LRRTM4: variants seen among roughly 807,000 people sequenced by gnomAD.
LRRTM4 encodes the protein leucine rich repeat transmembrane neuronal 4.
Under a neutral mutation model 47.6 loss-of-function variants are expected in LRRTM4, and 25 were observed. The ratio of observed to expected loss-of-function variants is 0.53; its 90% CI spans 0.38 to 0.73. LRRTM4 has a LOEUF of 0.73. Among genes scored for constraint, LRRTM4 ranks in the 30% least tolerant of loss-of-function variants. The pLI is 0.00. For synonymous variants in LRRTM4, 311 were observed against 269.5 expected, an observed-to-expected ratio of 1.15 and a Z score of -1.51; for missense variants, 638 against 713.4, an observed-to-expected ratio of 0.89 and a Z score of 1.20.
chr2:77,218,395 G>A (rs1233577083), intron 3 of LRRTM4, among the ~76,000 whole-genome samples: 1 of 151,970 alleles, frequency 6.6e-6, no homozygotes, highest in Non-Finnish European at 1.5e-5. Context: ...TTTGATGCAA[G>A]TTTTCTGCAA....
intron 3 of LRRTM4, among the ~76,000 whole-genome samples, chr2:77,069,608 A>C (rs1245897367): frequency 6.6e-6 from 1 of 152,036 alleles, no homozygotes; most frequent in African/African-American, 2.4e-5. Context: ...TCGTGGGGGT[A>C]ATGTTGGTAG....
chr2:77,493,985 C>A (rs1269603663), intron 3 of LRRTM4, among the ~76,000 whole-genome samples: 1 of 152,022 alleles, frequency 6.6e-6, no homozygotes, highest in Non-Finnish European at 1.5e-5. Context: ...AATAGAATTT[C>A]TAGTAGCAAA....
intron 3 of LRRTM4, among the ~76,000 whole-genome samples, chr2:77,421,843 A>G (rs1674909351): frequency 1.3e-5 from 2 of 152,198 alleles, no homozygotes; most frequent in African/African-American, 2.4e-5. Context: ...ACGATATACA[A>G]TCATGCAATG....
chr2:77,176,634 T>C (rs146831753), intron 3 of LRRTM4, among the ~76,000 whole-genome samples: 122 of 152,322 alleles, frequency 8.0e-4, no homozygotes, highest in African/African-American at 2.5e-3. Context: ...ATTTAGATCA[T>C]TTTGCAGTTG....
chr2:77,002,055 T>C (rs1677450295), intron 3 of LRRTM4, among the ~76,000 whole-genome samples: 1 of 152,194 alleles, frequency 6.6e-6, no homozygotes, highest in African/African-American at 2.4e-5. Flanking sequence ...AATACACGCT[T>C]AACATTTTAC....
chr2:76,873,976 A>G (rs1478646925), intron 3 of LRRTM4, among the ~76,000 whole-genome samples: 1 of 151,992 alleles, frequency 6.6e-6, no homozygotes, highest in Admixed American at 6.6e-5. Context: ...ATTGTAAACC[A>G]GATTTAATAA....
intron 3 of LRRTM4, among the ~76,000 whole-genome samples, chr2:76,752,469 C>T (rs892002297): frequency 7.2e-5 from 11 of 152,112 alleles, no homozygotes; most frequent in South Asian, 6.2e-4. Flanking sequence ...AAAGAGGGCT[C>T]ATGTCATTTT....
intron 3 of LRRTM4, among the ~76,000 whole-genome samples, chr2:77,226,620 A>G (rs1674819086): frequency 6.6e-6 from 1 of 151,292 alleles, no homozygotes; most frequent in Non-Finnish European, 1.5e-5. Context: ...AAAGTTCACT[A>G]AATTATATAA....
intron 3 of LRRTM4, among the ~76,000 whole-genome samples, chr2:76,789,399 CTT>C (rs947871036): frequency 6.6e-6 from 1 of 152,188 alleles, no homozygotes; most frequent in African/African-American, 2.4e-5. Context: ...TGACCTCTCT[CTT>C]TTCCCAAAAC....
At chr2:77,218,574 G>C (rs1309554765) in intron 3 of LRRTM4, among the ~76,000 whole-genome samples, 1 of 151,208 alleles carries the variant, frequency 6.6e-6, no homozygotes, top group Non-Finnish European at 1.5e-5. Flanking sequence ...TGGTTTTAAT[G>C]TCTCACCAAT....
At chr2:77,250,899 T>A (rs1352776272) in intron 3 of LRRTM4, among the ~76,000 whole-genome samples, 2 of 151,694 alleles carry the variant, frequency 1.3e-5, no homozygotes, top group Non-Finnish European at 2.9e-5. Flanking sequence ...AGGTGGGGAG[T>A]TCGAGACCAG....
At position 77,366,734 on chromosome 2, in the gene LRRTM4, A is replaced by G. The variant is rs140010194; in HGVS notation, c.1551+151584T>C. On this transcript the variant is annotated intron_variant, in intron 3 of 3. Coordinates refer to ENST00000409884, the MANE Select transcript of LRRTM4 (RefSeq NM_001134745.3). ...AAAAGTGATCATTTGTTTACCTCACACATTTACAATATTCAATAGACTCTC... is the reference window on the plus strand; with the variant it reads ...AAAAGTGATCATTTGTTTACCTCACGCATTTACAATATTCAATAGACTCTC... 1.3e-4 allele frequency among the ~76,000 whole-genome samples: 20 copies of G among 151,918 alleles called. No homozygotes were observed. In the East Asian group the frequency reaches 3.7e-3, roughly 28 times the overall value.
intron 3 of LRRTM4, among the ~76,000 whole-genome samples, chr2:76,932,277 A>C (rs1674795668): frequency 1.3e-5 from 2 of 152,136 alleles, no homozygotes; most frequent in Admixed American, 1.3e-4. Context: ...TGTGTACCAA[A>C]AACAGGTTCT....
intron 3 of LRRTM4, among the ~76,000 whole-genome samples, chr2:77,164,810 AG>A (rs1642828844): frequency 6.6e-6 from 1 of 152,218 alleles, no homozygotes; most frequent in Non-Finnish European, 1.5e-5. Context: ...ACACATTTAA[AG>A]CAGTGTGTAG....
In LRRTM4 at chr2:76,836,816, A is replaced by G. The variant is rs145137406; in HGVS notation, c.1552-87900T>C. 2.8e-3 allele frequency among the ~76,000 whole-genome samples: 422 copies of G among 152,238 alleles called. 7 individuals are homozygous for G. Among genetic ancestry groups the G allele is most frequent in the Middle Eastern group, 6.8e-3 (2 of 294 alleles). On this transcript the variant is annotated intron_variant, in intron 3 of 3. Coordinates refer to ENST00000409884, the MANE Select transcript of LRRTM4 (RefSeq NM_001134745.3). ...TCTTAAAGCCTAAAAAGGCAAAGAG[A>G]AGAATGTACCTTGGGGCTAGGGCAT... is the stretch of plus-strand genomic sequence containing the variant.
chr2:76,795,125 C>T (rs756608324), intron 3 of LRRTM4, among the ~76,000 whole-genome samples: 2 of 151,586 alleles, frequency 1.3e-5, no homozygotes, highest in African/African-American at 4.8e-5. Flanking sequence ...GATTTACTAA[C>T]AATAATATTA....
intron 3 of LRRTM4, among the ~76,000 whole-genome samples, chr2:76,971,002 C>T (rs961352353): frequency 6.6e-6 from 1 of 151,738 alleles, no homozygotes; most frequent in Non-Finnish European, 1.5e-5. Flanking sequence ...ACCTATAGGA[C>T]AAAAAATAAC....
chr2:77,357,711 G>C (rs1303515764), intron 3 of LRRTM4, among the ~76,000 whole-genome samples: 1 of 152,056 alleles, frequency 6.6e-6, no homozygotes, highest in Admixed American at 6.6e-5. Flanking sequence ...ATGATGTATG[G>C]CTTACTTTAT....
chr2:77,507,463 G>A (rs923309902), intron 3 of LRRTM4, among the ~76,000 whole-genome samples: 1 of 152,084 alleles, frequency 6.6e-6, no homozygotes, highest in African/African-American at 2.4e-5. Flanking sequence ...ACATTGGAAT[G>A]CTGATTTTAA....
Sources: allele counts gnomAD v4.1 joint callset (sites outside exome capture counted in the v4.1 genomes callset), GRCh38; gene constraint gnomAD v4.1.1; transcripts MANE v1.5; gene names NCBI Gene and HGNC (gene_info 2026-07-23, HGNC 2026-07-21).